The following ALDH1A2 variants were observed in gnomAD, a reference collection of about 807,000 sequenced individuals.
ALDH1A2 encodes the protein retinal dehydrogenase 2.
Under a neutral mutation model 60.3 loss-of-function variants are expected in ALDH1A2, and 27 were observed. The ratio of observed to expected loss-of-function variants is 0.45; its 90% CI spans 0.33 to 0.62. The LOEUF (loss-of-function observed/expected upper bound fraction) is 0.62. ALDH1A2 is among the 20% of genes least tolerant of loss of function. The probability of loss-of-function intolerance (pLI) is 0.02; values close to 1 mark genes in which losing one functional copy is unlikely to be tolerated. For synonymous variants in ALDH1A2, 289 were observed against 232.4 expected, an observed-to-expected ratio of 1.24 and a Z score of -2.21; for missense variants, 581 against 643.8, an observed-to-expected ratio of 0.90 and a Z score of 1.06.
chr15:58,038,614 C>G (rs938299206), intron 1 of ALDH1A2: 3 of 151,776 alleles, frequency 2.0e-5, no homozygotes, highest in Admixed American at 6.6e-5. Context: ...CAGAGGCAAG[C>G]TGAATCACAG....
At position 57,995,230 on chromosome 15, in the gene ALDH1A2, A is replaced by AC. The variant is rs1266406651; in HGVS notation, c.494-92_494-91insG. ...CTTTGGTGGCTGCAAAAAAAAAAAA[A>AC]AAAAAACAAACAGAAATAAACTTGA... On this transcript the variant is annotated intron_variant, in intron 4 of 12. Transcript: ENST00000249750. The AC allele has an allele frequency of 4.5e-5, 34 of 755,630 alleles. No individual in the cohort carries two copies. In the Admixed American group the frequency reaches 6.3e-4, roughly 14 times the overall value. 46.8% of individuals were successfully genotyped at this position (755,630 alleles called of 1,614,324 possible).
chr15:58,038,056 T>C (rs151329309), intron 1 of ALDH1A2, among the ~76,000 whole-genome samples: 396 of 151,806 alleles, frequency 2.6e-3, no homozygotes, highest in African/African-American at 9.1e-3. Context: ...AATCTACATC[T>C]CTGAAATCAT....
intron 7 of ALDH1A2, among the ~76,000 whole-genome samples, chr15:57,973,480 A>G (rs1334270161): frequency 6.6e-6 from 1 of 152,184 alleles, no homozygotes; most frequent in African/African-American, 2.4e-5. Context: ...GTTCTAATCC[A>G]TATTTAAGTG....
At chr15:58,039,191 C>G (rs1303440792) in intron 1 of ALDH1A2, among the ~76,000 whole-genome samples, 5 of 151,758 alleles carry the variant, frequency 3.3e-5, no homozygotes, top group African/African-American at 1.2e-4. Flanking sequence ...AAAACCGCCA[C>G]AGACTGGACA....
chr15:57,959,860 C>G (rs1427578946), intron 12 of ALDH1A2, among the ~76,000 whole-genome samples: 2 of 152,040 alleles, frequency 1.3e-5, no homozygotes, highest in Non-Finnish European at 1.5e-5. Context: ...TGTAAATCCT[C>G]TGCTCTAGTC....
chr15:58,022,352 A>C (rs1430900845), intron 1 of ALDH1A2, among the ~76,000 whole-genome samples: 2 of 152,158 alleles, frequency 1.3e-5, no homozygotes, highest in African/African-American at 2.4e-5. Context: ...CTGCAAGTGC[A>C]ACCTCGGGCC....
At chr15:57,984,303 G>A (rs1170106932) in intron 7 of ALDH1A2, among the ~76,000 whole-genome samples, 2 of 152,206 alleles carry the variant, frequency 1.3e-5, no homozygotes, top group African/African-American at 4.8e-5. Flanking sequence ...CTAAATCAAT[G>A]TTGGCTATTA....
At chr15:58,045,749 T>TG (rs1257026432) in intron 1 of ALDH1A2, among the ~76,000 whole-genome samples, 1 of 151,816 alleles carries the variant, frequency 6.6e-6, no homozygotes, top group Non-Finnish European at 1.5e-5. Context: ...TGTCAGGGGA[T>TG]GGGGGGCTAA....
chr15:58,004,693 T>TTGTGTGTG (rs138706461), intron 4 of ALDH1A2, among the ~76,000 whole-genome samples: 10,122 of 136,696 alleles, frequency 0.074, 470 homozygotes, highest in Non-Finnish European at 0.082. Flanking sequence ...ATCCCATGAT[T>TTGTGTGTG]TGTGTGTGTG....
chr15:58,029,583 T>TAA (rs58827440), intron 1 of ALDH1A2, among the ~76,000 whole-genome samples: 1,460 of 143,140 alleles, frequency 0.01, 21 homozygotes, highest in African/African-American at 0.032. Context: ...AAAAATCCCC[T>TAA]AAAAAAAAAA....
At chr15:58,051,455 T>A (rs566897242) in intron 1 of ALDH1A2, among the ~76,000 whole-genome samples, 1 of 152,204 alleles carries the variant, frequency 6.6e-6, no homozygotes, top group South Asian at 2.1e-4. Context: ...AAGATCCCTA[T>A]TTGCCATTTA....
chr15:58,035,485 A>G (rs1211245220), intron 1 of ALDH1A2, among the ~76,000 whole-genome samples: 1 of 151,540 alleles, frequency 6.6e-6, no homozygotes, highest in Non-Finnish European at 1.5e-5. Flanking sequence ...TTCTGTTTAC[A>G]TTACTCTTCT....
At chr15:58,005,278 C>G (rs780914434) in intron 4 of ALDH1A2, among the ~76,000 whole-genome samples, 1 of 151,956 alleles carries the variant, frequency 6.6e-6, no homozygotes, top group Non-Finnish European at 1.5e-5. Flanking sequence ...AGATGTCTCT[C>G]CTATGGTGTC....
At chr15:57,994,831 T>C (rs1469907645) in intron 5 of ALDH1A2, among the ~76,000 whole-genome samples, 1 of 152,188 alleles carries the variant, frequency 6.6e-6, no homozygotes. Flanking sequence ...TACACTGTGC[T>C]TTGCTTATTT....
intron 1 of ALDH1A2, among the ~76,000 whole-genome samples, chr15:58,028,125 A>G: frequency 6.6e-6 from 1 of 152,190 alleles, no homozygotes; most frequent in East Asian, 1.9e-4. Flanking sequence ...GAAATGAAGG[A>G]AAAAATGTTA....
intron 7 of ALDH1A2, chr15:57,980,446 C>A: frequency 2.9e-6 from 1 of 341,908 alleles, no homozygotes; most frequent in South Asian, 3.1e-5. Context: ...AGGCCGGCTG[C>A]AGCTTGTTCA....
At chr15:58,047,342 AT>A (rs1896662245) in intron 1 of ALDH1A2, among the ~76,000 whole-genome samples, 1 of 152,010 alleles carries the variant, frequency 6.6e-6, no homozygotes, top group South Asian at 2.1e-4. Flanking sequence ...AACTGTTTTC[AT>A]TCCTCATAAG....
chr15:57,981,234 C>T (rs1241753981), intron 7 of ALDH1A2, among the ~76,000 whole-genome samples: 2 of 150,820 alleles, frequency 1.3e-5, no homozygotes, highest in Non-Finnish European at 3.0e-5. Flanking sequence ...GATTCATCAT[C>T]ATTTTATCCA....
intron 12 of ALDH1A2, among the ~76,000 whole-genome samples, chr15:57,957,996 A>C (rs189402973): frequency 9.4e-4 from 143 of 152,104 alleles, no homozygotes; most frequent in African/African-American, 3.0e-3. Flanking sequence ...GTGTGATGCA[A>C]TGTAAAACCC....
Sources: allele counts gnomAD v4.1 joint callset (sites outside exome capture counted in the v4.1 genomes callset), GRCh38; gene constraint gnomAD v4.1.1; transcripts MANE v1.5; gene names NCBI Gene and HGNC (gene_info 2026-07-23, HGNC 2026-07-21).